Variants in RGS6 observed in about 807,000 individuals in gnomAD.
The protein encoded by RGS6 is regulator of G-protein signaling 6.
In RGS6, 30 loss-of-function variants were observed where a neutral mutation model predicts 78.5. The observed-to-expected ratio is 0.38, with a 90% CI of 0.29 to 0.52. RGS6 has a LOEUF of 0.52. Ranked by LOEUF, RGS6 falls within the 20% of genes least tolerant of loss-of-function variation. RGS6 has a pLI of 0.85. For synonymous variants in RGS6, 206 were observed against 206.0 expected, an observed-to-expected ratio of 1.00 and a Z score of 0.00; for missense variants, 495 against 609.7, an observed-to-expected ratio of 0.81 and a Z score of 1.98.
chr14:72,611,409 G>C, the RGS6 span, among the ~76,000 whole-genome samples: 1 of 152,238 alleles, frequency 6.6e-6, no homozygotes, highest in Admixed American at 6.5e-5. Flanking sequence ...CCTCTCTGAT[G>C]CTGGGTTTCA....
At chr14:72,056,522 A>G (rs192759512) in intron 2 of RGS6, among the ~76,000 whole-genome samples, 27 of 152,320 alleles carry the variant, frequency 1.8e-4, no homozygotes, top group Non-Finnish European at 3.7e-4. Flanking sequence ...AAAAAATCAA[A>G]TGTGTTATAT....
chr14:72,546,508 G>C (rs548334128), intron 17 of RGS6, among the ~76,000 whole-genome samples: 1 of 152,280 alleles, frequency 6.6e-6, no homozygotes, highest in South Asian at 2.1e-4. Context: ...GCCCCCAGCT[G>C]TTCCCGCTGA....
intron 2 of RGS6, among the ~76,000 whole-genome samples, chr14:71,971,285 A>G (rs2093787996): frequency 6.6e-6 from 1 of 152,176 alleles, no homozygotes. Flanking sequence ...TTTGGTTAGT[A>G]AAAGTCTGGA....
chr14:72,322,091 A>G (rs992592631), intron 2 of RGS6, among the ~76,000 whole-genome samples: 11 of 152,040 alleles, frequency 7.2e-5, no homozygotes, highest in Non-Finnish European at 1.3e-4. Context: ...GAAAATTTGT[A>G]TACGTAAGTA....
intron 2 of RGS6, among the ~76,000 whole-genome samples, chr14:72,300,838 A>C (rs1207465706): frequency 6.6e-6 from 1 of 152,220 alleles, no homozygotes; most frequent in Non-Finnish European, 1.5e-5. Context: ...CACCAGGTTC[A>C]TCTGAGTGAA....
intron 2 of RGS6, among the ~76,000 whole-genome samples, chr14:72,001,895 C>CTTTTTTTTTTTTTTTTTTT (rs59274317): frequency 3.2e-5 from 3 of 92,530 alleles, no homozygotes; most frequent in African/African-American, 1.3e-4. Context: ...ATCCATTAAT[C>CTTTTTTTTTTTTTTTTTTT]TTTTTTTTTT....
intron 3 of RGS6, among the ~76,000 whole-genome samples, chr14:72,397,095 A>G (rs917465391): frequency 2.6e-5 from 4 of 152,212 alleles, no homozygotes; most frequent in African/African-American, 9.6e-5. Context: ...AGTCATTGGT[A>G]GCTTGATGGG....
chr14:72,590,911 G>A, the RGS6 span, among the ~76,000 whole-genome samples: 2 of 152,328 alleles, frequency 1.3e-5, no homozygotes, highest in East Asian at 3.9e-4. Flanking sequence ...CAACAGGATT[G>A]CTTTTCATCC....
At chr14:71,977,678 G>T (rs1278600950) in intron 2 of RGS6, among the ~76,000 whole-genome samples, 1 of 150,854 alleles carries the variant, frequency 6.6e-6, no homozygotes, top group Non-Finnish European at 1.5e-5. Flanking sequence ...TTGTAGTATA[G>T]TTTGAAGTCA....
intron 2 of RGS6, among the ~76,000 whole-genome samples, chr14:72,275,108 TTTC>T (rs1048708687): frequency 6.6e-6 from 1 of 152,196 alleles, no homozygotes; most frequent in African/African-American, 2.4e-5. Flanking sequence ...CTATGGTATT[TTTC>T]TTTTATATTG....
rs1055905391 is a variant in RGS6, at chr14:71,932,829, C to G, written c.-133C>G. ...TTCCCCTCCGCCCCCAAGAGGCTGC[C>G]GGTCCCCGGTTCCCTGGGCTTCTCC... On this transcript the variant is annotated 5_prime_UTR_variant, in exon 1 of 18. Transcript: ENST00000553525. 4 of 152,258 alleles carry G rather than the reference C, an allele frequency of 2.6e-5. No individual in the cohort carries two copies. Among genetic ancestry groups the G allele is most frequent in the African/African-American group, 4.8e-5 (2 of 41,458 alleles). 9.4% of individuals were successfully genotyped at this position (152,258 alleles called of 1,614,324 possible).
chr14:71,948,737 TC>T (rs2091905674), intron 1 of RGS6, among the ~76,000 whole-genome samples: 2 of 59,676 alleles, frequency 3.4e-5, no homozygotes, highest in Admixed American at 1.5e-4. Flanking sequence ...TCTCTCTCTC[TC>T]TCTTTTTTTT....
At position 72,257,786 on chromosome 14, in the gene RGS6, C is replaced by T. The variant is rs75298008; in HGVS notation, c.85-94309C>T. 9.5e-3 allele frequency among the ~76,000 whole-genome samples: 1,447 copies of T among 152,232 alleles called. 11 individuals are homozygous for T. The highest frequency in any genetic ancestry group is 0.024 in the South Asian group (116 of 4,818). ...ACAGTCCTGATCAAAGAAGGGTGAC[C>T]TGTCCAGGGCAAGTCCACAAGCCTC... On this transcript the variant is annotated intron_variant, in intron 2 of 17. Coordinates refer to ENST00000553525, the MANE Select transcript of RGS6 (RefSeq NM_001204424.2).
At chr14:71,985,926 G>A (rs2094693007) in intron 2 of RGS6, among the ~76,000 whole-genome samples, 1 of 152,102 alleles carries the variant, frequency 6.6e-6, no homozygotes, top group South Asian at 2.1e-4. Flanking sequence ...CACCACCTCT[G>A]CCTACAGTTT....
chr14:72,270,015 A>G (rs2059697124), intron 2 of RGS6, among the ~76,000 whole-genome samples: 1 of 152,242 alleles, frequency 6.6e-6, no homozygotes, highest in Non-Finnish European at 1.5e-5. Context: ...AAAAAGCTAG[A>G]ATTTGTAGCA....
chr14:72,133,755 A>T (rs1301039129), intron 2 of RGS6, among the ~76,000 whole-genome samples: 2 of 152,014 alleles, frequency 1.3e-5, no homozygotes, highest in Admixed American at 6.6e-5. Flanking sequence ...GCTTTCTCTG[A>T]GTGCCTTCTG....
At chr14:72,362,350 A>G (rs2283386) in intron 3 of RGS6, among the ~76,000 whole-genome samples, 9,551 of 152,248 alleles carry the variant, frequency 0.063, 491 homozygotes, top group East Asian at 0.31. Flanking sequence ...TCAGTTATCT[A>G]TTTCTGTATA....
intron 2 of RGS6, among the ~76,000 whole-genome samples, chr14:71,985,205 C>A (rs991646109): frequency 7.9e-5 from 12 of 151,942 alleles, no homozygotes; most frequent in Non-Finnish European, 4.4e-5. Context: ...CTCACTGCAA[C>A]CGCCGCCTCC....
intron 2 of RGS6, among the ~76,000 whole-genome samples, chr14:72,351,016 G>A (rs570593290): frequency 5.9e-5 from 9 of 152,188 alleles, no homozygotes; most frequent in African/African-American, 2.2e-4. Flanking sequence ...TATTAGTCAT[G>A]TGTCTTCAAG....
Sources: allele counts gnomAD v4.1 joint callset (sites outside exome capture counted in the v4.1 genomes callset), GRCh38; gene constraint gnomAD v4.1.1; transcripts MANE v1.5; gene names NCBI Gene and HGNC (gene_info 2026-07-23, HGNC 2026-07-21).